Variants in ABAT observed in about 807,000 individuals in gnomAD.
ABAT encodes 4-aminobutyrate aminotransferase.
A neutral mutation model predicts 64.6 loss-of-function variants in ABAT; 45 were observed. That is an observed-to-expected ratio of 0.70 (90% confidence interval 0.55 to 0.89). The LOEUF (loss-of-function observed/expected upper bound fraction) is 0.89. ABAT is among the 40% of genes least tolerant of loss of function. The probability of loss-of-function intolerance (pLI) is 0.00; values close to 1 mark genes in which losing one functional copy is unlikely to be tolerated. For synonymous variants in ABAT, 297 were observed against 250.5 expected (o/e 1.19, Z -1.75); for missense variants, 633 against 658.4 (o/e 0.96, Z 0.42).
intron 1 of ABAT, among the ~76,000 whole-genome samples, chr16:8,716,473 C>T (rs1567282214): frequency 6.6e-6 from 1 of 152,144 alleles, no homozygotes; most frequent in South Asian, 2.1e-4. Flanking sequence ...CTCACCTTGG[C>T]CAGTGATGGG....
chr16:8,772,789 C>A lies in ABAT; in HGVS notation c.826C>A (p.Leu276Met). 1 of 1,614,156 alleles carries A rather than the reference C, an allele frequency of 6.2e-7. No individual in the cohort carries two copies. Among genetic ancestry groups the A allele is most frequent in the South Asian group, 1.1e-5 (1 of 91,084 alleles). Residue 276 changes from leucine (L) to methionine (M), a missense_variant, in exon 12 of 16, where the codon CTG becomes ATG. By Grantham distance (15) the Leu-to-Met change is conservative. Transcript: ENST00000268251. ...EARCLEEVED[L>M]IVKYRKKKKT... ...CCCCTTTGGGATCCAGGTGGAGGAT[C>A]TGATTGTGAAATATCGGAAAAAGAA...
At chr16:8,769,770 C>T (rs1442578977) in intron 11 of ABAT, among the ~76,000 whole-genome samples, 1 of 152,116 alleles carries the variant, frequency 6.6e-6, no homozygotes, top group Non-Finnish European at 1.5e-5. Context: ...TCTAACACAG[C>T]CCTCTTTAGA....
At chr16:8,773,113 C>CACAT (rs2060163293) in intron 12 of ABAT, among the ~76,000 whole-genome samples, 196 bp downstream of exon 12, 1 of 115,492 alleles carries the variant, frequency 8.7e-6, no homozygotes, top group Non-Finnish European at 1.7e-5. Flanking sequence ...TATACACACA[C>CACAT]ACACACACAC....
chr16:8,748,832 C>T (rs1430823799), intron 4 of ABAT, among the ~76,000 whole-genome samples: 1 of 152,140 alleles, frequency 6.6e-6, no homozygotes, highest in Non-Finnish European at 1.5e-5. Flanking sequence ...ACAACCCCTT[C>T]TAGCTTTCTT....
At position 8,772,854 on chromosome 16, in the gene ABAT, C is replaced by T. The variant is rs142228298; in HGVS notation, c.891C>T (p.Ser297=). 24 of 1,614,002 alleles carry T rather than the reference C, an allele frequency of 1.5e-5. No individual in the cohort carries two copies. In the Admixed American group the frequency reaches 2.5e-4, roughly 17 times the overall value. The change falls in exon 12 of 16, where the codon TCC becomes TCT. Residue 297 remains serine (S), a synonymous_variant. Transcript: ENST00000268251. ...VAGIIVEPIQ[S]EGGDNHASDD... ...GGATCATCGTGGAGCCCATCCAGTC[C>T]GAGGGTGGAGACAACCACGCATCCG... is the stretch of plus-strand genomic sequence containing the variant.
intron 5 of ABAT, among the ~76,000 whole-genome samples, chr16:8,752,254 T>A (rs1485957899): frequency 1.3e-5 from 2 of 152,218 alleles, no homozygotes; most frequent in Non-Finnish European, 2.9e-5. Flanking sequence ...ATGGAAGGCA[T>A]TTTGGAGACA....
At chr16:8,738,505 G>A in intron 2 of ABAT, 1 of 453,928 alleles carries the variant, frequency 2.2e-6, no homozygotes, top group Non-Finnish European at 4.4e-6. Context: ...CCTCTGGTCT[G>A]TGACAGTTTC....
chr16:8,681,814 G>A (rs1251762459), intron 1 of ABAT, among the ~76,000 whole-genome samples: 1 of 151,544 alleles, frequency 6.6e-6, no homozygotes, highest in South Asian at 2.1e-4. Flanking sequence ...GCTAATTTTT[G>A]TATTTTTAGT....
chr16:8,771,098 G>A (rs999434557), intron 11 of ABAT, among the ~76,000 whole-genome samples: 1 of 151,926 alleles, frequency 6.6e-6, no homozygotes, highest in South Asian at 2.1e-4. Flanking sequence ...GAGTTCAAGA[G>A]CAGCCTGACT....
chr16:8,733,814 AGAGAGGGAGAGG>A (rs555669162), intron 1 of ABAT, among the ~76,000 whole-genome samples: 11 of 147,426 alleles, frequency 7.5e-5, no homozygotes, highest in Admixed American at 3.3e-4. Flanking sequence ...GACCGTGGAA[AGAGAGGGAGAGG>A]GAGAGGGAGA....
intron 1 of ABAT, among the ~76,000 whole-genome samples, chr16:8,718,977 T>A (rs890693547): frequency 6.6e-6 from 1 of 152,252 alleles, no homozygotes; most frequent in East Asian, 1.9e-4. Flanking sequence ...TTTCACTTGT[T>A]ATACGCTGTG....
intron 1 of ABAT, among the ~76,000 whole-genome samples, chr16:8,729,419 G>A (rs990076061): frequency 2.6e-5 from 4 of 152,172 alleles, no homozygotes; most frequent in African/African-American, 2.4e-5. Context: ...GACTGAGGCC[G>A]AATGTCATAA....
chr16:8,735,435 G>C (rs1035494898), intron 1 of ABAT, among the ~76,000 whole-genome samples: 1 of 152,012 alleles, frequency 6.6e-6, no homozygotes, highest in African/African-American at 2.4e-5. Flanking sequence ...AAGTCTTTGT[G>C]AAGATGGGAT....
chr16:8,757,642 G>T, intron 5 of ABAT, 115 bp from the exon 6 acceptor site: 1 of 1,174,618 alleles, frequency 8.5e-7, no homozygotes, highest in Non-Finnish European at 1.3e-6. Flanking sequence ...AAGACCCTTT[G>T]GTTTTTAAAG....
At chr16:8,732,005 A>G (rs1347150363) in intron 1 of ABAT, among the ~76,000 whole-genome samples, 1 of 151,642 alleles carries the variant, frequency 6.6e-6, no homozygotes, top group Non-Finnish European at 1.5e-5. Flanking sequence ...AGGAGCTCAC[A>G]ACCACGCCCG....
At chr16:8,697,919 G>C (rs1450615240) in intron 1 of ABAT, among the ~76,000 whole-genome samples, 1 of 152,208 alleles carries the variant, frequency 6.6e-6, no homozygotes, top group Non-Finnish European at 1.5e-5. Context: ...TCACAGGCGT[G>C]AGCCACCGCA....
At chr16:8,727,847 T>C (rs75843435) in intron 1 of ABAT, among the ~76,000 whole-genome samples, 2,932 of 152,254 alleles carry the variant, frequency 0.019, 40 homozygotes, top group Non-Finnish European at 0.031. Context: ...GATGGTAGGA[T>C]CACTTGAGCT....
At chr16:8,746,535 C>G (rs1035983222) in intron 3 of ABAT, among the ~76,000 whole-genome samples, 1 of 151,688 alleles carries the variant, frequency 6.6e-6, no homozygotes, top group African/African-American at 2.4e-5. Flanking sequence ...CACGCACCAC[C>G]ACGCCTGGCT....
intron 5 of ABAT, among the ~76,000 whole-genome samples, chr16:8,753,011 G>A (rs569503343): frequency 4.6e-5 from 7 of 152,014 alleles, no homozygotes; most frequent in African/African-American, 1.2e-4. Flanking sequence ...TCAAGAGCTT[G>A]CAGGATTTTC....
Sources: gnomAD v4.1 joint callset for allele counts (sites outside exome capture counted in the v4.1 genomes callset) on GRCh38, gnomAD v4.1.1 for gene constraint, MANE v1.5 for transcripts, NCBI Gene and HGNC (gene_info 2026-07-23, HGNC 2026-07-21) for gene names.